The following IL4I1 variants were observed in gnomAD, a reference collection of about 807,000 sequenced individuals.
The protein encoded by IL4I1 is L-amino-acid oxidase.
A neutral mutation model predicts 29.7 loss-of-function variants in IL4I1; 24 were observed. The ratio of observed to expected loss-of-function variants is 0.81; its 90% CI spans 0.59 to 1.14. IL4I1 has a LOEUF of 1.14. Ranked by LOEUF, IL4I1 falls within the 50% of genes most tolerant of loss-of-function variation. The probability of loss-of-function intolerance (pLI) is 0.00; values close to 1 mark genes in which losing one functional copy is unlikely to be tolerated. For synonymous variants in IL4I1, 371 were observed against 352.5 expected, an observed-to-expected ratio of 1.05 and a Z score of -0.59; for missense variants, 686 against 785.6, an observed-to-expected ratio of 0.87 and a Z score of 1.52.
In IL4I1 at chr19:49,914,726, G is replaced by GTTTTTTTTTTTTTTTTTTTT. The variant is rs530372497; in HGVS notation, c.-227-10425_-227-10406dup. On this transcript the variant is annotated intron_variant, in intron 2 of 9. Coordinates refer to the IL4I1 transcript ENST00000341114. ...GATTCTTGTGCCACTCCAAGTCCCAGTTTTTTTTTTTTTTTTTTTTTTTTT... is the reference window on the plus strand; with the variant it reads ...GATTCTTGTGCCACTCCAAGTCCCAGTTTTTTTTTTTTTTTTTTTTTTTTTTTTTTTTTTTTTTTTTTTTT... 8.9e-5 allele frequency among the ~76,000 whole-genome samples: 5 copies of GTTTTTTTTTTTTTTTTTTTT among 56,404 alleles called. 1 individual carries two copies. Among genetic ancestry groups the GTTTTTTTTTTTTTTTTTTTT allele is most frequent in the Admixed American group, 2.8e-4 (1 of 3,586 alleles). 37.0% of individuals were successfully genotyped at this position (56,404 alleles called of 152,430 possible). A position where few individuals can be genotyped will look rare whatever the true frequency, so the allele number is the denominator to read the frequency against.
intron 2 of IL4I1, chr19:49,908,959 G>A (rs756025011): frequency 1.3e-6 from 2 of 1,596,358 alleles, no homozygotes; most frequent in Admixed American, 1.7e-5. Flanking sequence ...TGCTGCTGCT[G>A]CTGGTGGTGG....
chr19:49,909,487 G>A lies in IL4I1; in HGVS notation c.-227-5166C>T. On this transcript the variant is annotated intron_variant, in intron 2 of 9. Transcript: ENST00000341114. ...GCCCAAAGCCGCTGGGGTTTGCCAT[G>A]GCTGGGGTGGCAGCTGTGTTGCTCA... The A allele has an allele frequency of 6.2e-7, 1 of 1,614,194 alleles. No homozygotes were observed. Among genetic ancestry groups the A allele is most frequent in the Non-Finnish European group, 8.5e-7 (1 of 1,180,040 alleles).
intron 1 of IL4I1, chr19:49,928,520 C>CA (rs36110256): frequency 0.13 from 17,899 of 133,576 alleles, 1,483 homozygotes; most frequent in East Asian, 0.38. Flanking sequence ...GACTCCGTCT[C>CA]AAAAAAAAAA....
At chr19:49,912,313 C>T (rs142850573) in intron 2 of IL4I1, among the ~76,000 whole-genome samples, 30,129 of 151,786 alleles carry the variant, frequency 0.2, 3,198 homozygotes, top group East Asian at 0.37. Flanking sequence ...GGATTACAGG[C>T]GCATGCCACC....
Position 49,889,728 on chromosome 19 carries a change from G to T in IL4I1, c.1646C>A (p.Pro549His). ...GAGAGATAACTGGCCTTGGACTGGA[G>T]GGTGGCTGCCTTCTTCCTTTGCCAG... ...HDLAKEEGSH[P>H]PVQGQLSLQN... The change falls in exon 8 of 8, where the codon CCT (proline) becomes CAT (histidine). Residue 549 changes from proline to histidine, a missense_variant. Coordinates refer to ENST00000391826, the MANE Select transcript of IL4I1 (RefSeq NM_152899.2). 6.6e-7 allele frequency: 1 copy of T among 1,515,830 alleles called. No individual in the cohort carries two copies. Among genetic ancestry groups the T allele is most frequent in the South Asian group, 1.3e-5 (1 of 75,246 alleles). The allele number at this position is 1,515,830 out of a possible 1,614,324, so 93.9% of individuals were successfully genotyped here.
intron 2 of IL4I1, among the ~76,000 whole-genome samples, chr19:49,914,537 C>T (rs982391786): frequency 6.6e-6 from 1 of 152,092 alleles, no homozygotes; most frequent in African/African-American, 2.4e-5. Flanking sequence ...TCAAACAACA[C>T]GGCCGCCTTC....
At position 49,921,485 on chromosome 19, in the gene IL4I1, C is replaced by T. The variant is rs1475915355; in HGVS notation, c.-228+6209G>A. ...TCAAATCCAATTCAGGATGATCCGC[C>T]CGCCCCAGCTGCAGACGATGGCCTG... On this transcript the variant is annotated intron_variant, in intron 2 of 9. Coordinates refer to the IL4I1 transcript ENST00000341114. This position sits in a 1 kb window ranked among gnomAD's most constrained non-coding sequence, Gnocchi z 5.4. Among the ~76,000 whole-genome samples, 1 of 152,162 alleles carries T rather than the reference C, an allele frequency of 6.6e-6. No individual in the cohort carries two copies. Among genetic ancestry groups the T allele is most frequent in the African/African-American group, 2.4e-5 (1 of 41,432 alleles).
Position 49,909,044 on chromosome 19 carries a change from C to T in IL4I1, c.-227-4723G>A, listed in dbSNP as rs774470419. 6 of 1,612,948 alleles carry T rather than the reference C, an allele frequency of 3.7e-6. No individual in the cohort carries two copies. The African/African-American group carries it at 5.3e-5, about 14-fold the overall frequency. ...TGCTCCAGGTGCCTTTAAGCTGAAG[C>T]CCTGTGTCCCAGCAGTGGGGGCGCC... On this transcript the variant is annotated intron_variant, in intron 2 of 9. Transcript: ENST00000341114.
chr19:49,890,802 C>T (rs2075125158), intron 7 of IL4I1, among the ~76,000 whole-genome samples, 169 bp downstream of exon 7: 1 of 152,102 alleles, frequency 6.6e-6, no homozygotes, highest in Non-Finnish European at 1.5e-5. Context: ...CCCACCACTT[C>T]TCCCCTAGGC....
rs1177437615 is a variant in IL4I1 at position 49,890,100 on chromosome 19, G to A, written c.1274C>T (p.Ala425Val). Reference protein sequence around the residue: ...ALRLALDDVAALHGPVVRQLW... With the variant: ...ALRLALDDVAVLHGPVVRQLW... ...CTGGCGCACGACAGGCCCGTGCAAT[G>A]CCGCCACGTCGTCGAGCGCCAAGCG... Residue 425 changes from alanine to valine, a missense_variant, in exon 8 of 8, where the codon GCA becomes GTA. Ala to Val is a moderately conservative substitution (Grantham distance 64, BLOSUM62 0). Transcript: ENST00000391826. 5.2e-6 allele frequency: 8 copies of A among 1,544,808 alleles called. No individual in the cohort carries two copies. The highest frequency in any genetic ancestry group is 2.4e-5 in the South Asian group (2 of 84,070).
chr19:49,903,534 G>A (rs2075288646), intron 3 of IL4I1, among the ~76,000 whole-genome samples: 1 of 152,206 alleles, frequency 6.6e-6, no homozygotes, highest in Non-Finnish European at 1.5e-5. Flanking sequence ...GCTTCCGAGC[G>A]TGAGGGCTTT....
chr19:49,923,285 C>T (rs759760022), intron 2 of IL4I1, among the ~76,000 whole-genome samples: 21 of 152,308 alleles, frequency 1.4e-4, no homozygotes, highest in African/African-American at 4.8e-4. Flanking sequence ...CCCTGGCCTG[C>T]GTGACCCAGT....
intron 2 of IL4I1, among the ~76,000 whole-genome samples, chr19:49,922,571 T>C (rs2075791136): frequency 6.6e-6 from 1 of 151,964 alleles, no homozygotes; most frequent in Non-Finnish European, 1.5e-5. Context: ...TGCTCTCTGC[T>C]GTGGACAGAG....
At chr19:49,904,943 C>G (rs2075302916) in intron 2 of IL4I1, among the ~76,000 whole-genome samples, 1 of 152,128 alleles carries the variant, frequency 6.6e-6, no homozygotes, top group South Asian at 2.1e-4. Flanking sequence ...ATCTCCTAAC[C>G]TCGTGATCCG....
At position 49,890,496 on chromosome 19, in the gene IL4I1, C is replaced by A. The variant is rs773334276; in HGVS notation, c.878G>T (p.Gly293Val). The change falls in exon 8 of 8, where the codon GGA (glycine) becomes GTA (valine). Residue 293 changes from glycine to valine, a missense_variant. Coordinates refer to ENST00000391826, the MANE Select transcript of IL4I1 (RefSeq NM_152899.2). The part of the protein sequence containing the change: ...LNAPVVAMTQ[G>V]PHDVHVQIET... ...GATCTGCACGTGCACATCGTGCGGT[C>A]CCTGGGTCATCGCCACCACGGGCGC... 6.2e-7 allele frequency: 1 copy of A among 1,611,400 alleles called. No homozygotes were observed. The highest frequency in any genetic ancestry group is 1.1e-5 in the South Asian group (1 of 91,068).
chr19:49,894,400 CGT>C lies in IL4I1; in HGVS notation c.433_434del (p.Thr145ValfsTer62). 1 of 1,614,236 alleles carries C rather than the reference CGT, an allele frequency of 6.2e-7. No individual in the cohort carries two copies. The highest frequency in any genetic ancestry group is 8.5e-7 in the Non-Finnish European group (1 of 1,180,040). On this transcript the variant is annotated frameshift_variant, in exon 5 of 8. Transcript: ENST00000391826. LOFTEE classifies it high-confidence loss of function. ...LTKFTQYDKN[T>X]WTEVHEVKLR... The stretch of plus-strand genomic sequence containing the variant: ...GCTTCACTTCGTGCACCTCCGTCCA[CGT>C]GTTCTTGTCGTACTGGGTGAACTTG...
intron 2 of IL4I1, among the ~76,000 whole-genome samples, chr19:49,918,920 G>C (rs2075696531): frequency 6.6e-6 from 1 of 150,762 alleles, no homozygotes; most frequent in Admixed American, 6.6e-5. Context: ...GGGGTGTGGG[G>C]GGGCGGATCA....
At chr19:49,909,864 T>A (rs991227758) in intron 2 of IL4I1, 1 of 1,570,304 alleles carries the variant, frequency 6.4e-7, no homozygotes, top group African/African-American at 1.4e-5. Flanking sequence ...TCCGTCGGTG[T>A]CTGCAGCCTT....
chr19:49,896,094 C>T (rs777806465), intron 2 of IL4I1, 41 bp from the exon 3 acceptor site: 10 of 1,587,426 alleles, frequency 6.3e-6, no homozygotes, highest in Middle Eastern at 1.7e-4. Flanking sequence ...TGTGGCAGGT[C>T]GGGGGAGAGG....
Sources: allele counts gnomAD v4.1 joint callset (sites outside exome capture counted in the v4.1 genomes callset), GRCh38; gene constraint gnomAD v4.1.1; non-coding constraint Gnocchi (gnomAD v3.1); transcripts MANE v1.5; gene names NCBI Gene and HGNC (gene_info 2026-07-23, HGNC 2026-07-21).